The following ICE1 variants were observed in gnomAD, a reference collection of about 807,000 sequenced individuals.
The protein encoded by ICE1 is little elongation complex subunit 1.
ICE1 carries 64 observed loss-of-function variants against 192.7 expected under a neutral mutation model. That is an observed-to-expected ratio of 0.33 (90% CI 0.27 to 0.41). The LOEUF (loss-of-function observed/expected upper bound fraction) is 0.41. ICE1 is among the 10% of genes least tolerant of loss of function. The pLI, the probability that ICE1 is intolerant of heterozygous loss-of-function variation, is 1.00. For missense variants in ICE1, 2,708 were observed against 2,696.0 expected (o/e 1.00, Z -0.10); for synonymous variants, 1,010 against 984.5 (o/e 1.03, Z -0.49).
At chr5:5,479,300 T>A (rs1325218036) in intron 17 of ICE1, among the ~76,000 whole-genome samples, 1 of 152,154 alleles carries the variant, frequency 6.6e-6, no homozygotes, top group Non-Finnish European at 1.5e-5. Context: ...AACAGACACT[T>A]CTCAAAAGAA....
At chr5:5,430,276 A>G (rs1737663857) in intron 1 of ICE1, among the ~76,000 whole-genome samples, 1 of 152,166 alleles carries the variant, frequency 6.6e-6, no homozygotes, top group Non-Finnish European at 1.5e-5. Context: ...AGCCAACATA[A>G]ATGACATCTG....
intron 14 of ICE1, 139 bp from the exon 15 acceptor site, chr5:5,468,689 C>G (rs1739064922): frequency 2.0e-6 from 1 of 498,278 alleles, no homozygotes; most frequent in African/African-American, 2.0e-5. Context: ...GGAGCCTCAT[C>G]TGGGCTCCCC....
Position 5,465,123 on chromosome 5 carries a change from T to C in ICE1, c.5789T>C (p.Leu1930Ser). The C allele has an allele frequency of 6.2e-7, 1 of 1,612,374 alleles. No homozygotes were observed. Among genetic ancestry groups the C allele is most frequent in the Non-Finnish European group, 8.5e-7 (1 of 1,179,102 alleles). Residue 1930 changes from leucine to serine, a missense_variant, in exon 13 of 19, where the codon TTA (leucine) becomes TCA (serine). Leu to Ser is a moderately radical substitution (Grantham distance 145). Transcript: ENST00000296564. The part of the protein sequence containing the change: ...KKIAEFSFDL[L>S]PVIRSHVYVG... The stretch of plus-strand genomic sequence containing the variant: ...ATTGCAGAGTTTTCTTTTGATCTGT[T>C]ACCTGTCATTCGTAGTCATGTGTAT...
intron 17 of ICE1, among the ~76,000 whole-genome samples, chr5:5,484,677 G>A (rs1038167842): frequency 2.6e-5 from 4 of 152,124 alleles, no homozygotes; most frequent in African/African-American, 9.7e-5. Flanking sequence ...TCAATATTCA[G>A]GCTGCACGTA....
At position 5,465,106 on chromosome 5, in the gene ICE1, G is replaced by A. The variant is rs765052850; in HGVS notation, c.5772G>A (p.Glu1924=). 1.2e-6 allele frequency: 2 copies of A among 1,613,052 alleles called. No homozygotes were observed. The highest frequency in any genetic ancestry group is 2.7e-5 in the African/African-American group (2 of 74,912). The change falls in exon 13 of 19, where the codon GAG becomes GAA. Residue 1924 remains glutamate, a synonymous_variant. Coordinates refer to ENST00000296564, the MANE Select transcript of ICE1 (RefSeq NM_015325.3). ...CTAATGCCCTGAAGAAAATTGCAGA[G>A]TTTTCTTTTGATCTGTTACCTGTCA... The part of the protein sequence containing the change: ...AIANALKKIA[E]FSFDLLPVIR...
chr5:5,430,971 C>T (rs1737690124), intron 1 of ICE1, among the ~76,000 whole-genome samples: 1 of 152,122 alleles, frequency 6.6e-6, no homozygotes, highest in South Asian at 2.1e-4. Flanking sequence ...GATAGTATGC[C>T]AGTTATTTAA....
intron 5 of ICE1, 138 bp from the exon 6 acceptor site, chr5:5,443,030 T>C: frequency 1.8e-6 from 1 of 543,476 alleles, no homozygotes; most frequent in Non-Finnish European, 3.2e-6. Context: ...TGGTTACCTC[T>C]ATTAAAATAT....
chr5:5,437,353 CAT>C, intron 3 of ICE1: 1 of 396,180 alleles, frequency 2.5e-6, no homozygotes, highest in Non-Finnish European at 4.5e-6. Flanking sequence ...CTTAACGTCT[CAT>C]AAGCTTTTTA....
intron 12 of ICE1, 88 bp downstream of exon 12, chr5:5,457,829 T>C (rs1460887692): frequency 5.4e-6 from 7 of 1,307,308 alleles, no homozygotes; most frequent in Non-Finnish European, 7.4e-6. Flanking sequence ...ATTAGTGATA[T>C]TCTTGCACAG....
intron 1 of ICE1, among the ~76,000 whole-genome samples, chr5:5,434,826 G>A (rs1737823373): frequency 6.6e-6 from 1 of 152,066 alleles, no homozygotes; most frequent in African/African-American, 2.4e-5. Context: ...GTTTATTTTA[G>A]TCTAGCCTAG....
chr5:5,445,684 G>A (rs966506453), intron 7 of ICE1, among the ~76,000 whole-genome samples: 18 of 151,812 alleles, frequency 1.2e-4, no homozygotes, highest in African/African-American at 4.4e-4. Context: ...AAAGTGCTAG[G>A]ATTACAGGTG....
intron 5 of ICE1, among the ~76,000 whole-genome samples, chr5:5,442,151 A>G (rs1738070534): frequency 6.6e-6 from 1 of 152,236 alleles, no homozygotes; most frequent in Non-Finnish European, 1.5e-5. Context: ...TACTCCCTAC[A>G]TGAATCTTAG....
In ICE1 at chr5:5,473,833, G is replaced by GTCGT. The variant is rs1234650733; in HGVS notation, c.6413+87_6413+90dup. On this transcript the variant is annotated intron_variant, in intron 16 of 18. Transcript: ENST00000296564. ...CTGAATTGTGGCTTGAATCATTTTT[G>GTCGT]TCGTTTAAGTGTGTAAGGCAGATGA... 12 of 1,002,846 alleles carry GTCGT rather than the reference G, an allele frequency of 1.2e-5. No homozygotes were observed. In the African/African-American group the frequency reaches 1.8e-4, roughly 15 times the overall value. The allele number at this position is 1,002,846 out of a possible 1,614,324, so 62.1% of individuals were successfully genotyped here.
At chr5:5,478,123 A>T (rs1436210229) in intron 17 of ICE1, among the ~76,000 whole-genome samples, 1 of 152,246 alleles carries the variant, frequency 6.6e-6, no homozygotes, top group Non-Finnish European at 1.5e-5. Flanking sequence ...AGTTCTGGCC[A>T]GGCCAATCAG....
chr5:5,441,139 G>A lies in ICE1; in HGVS notation c.225G>A (p.Val75=). The A allele has an allele frequency of 1.3e-6, 2 of 1,558,320 alleles. No homozygotes were observed. The highest frequency in any genetic ancestry group is 8.7e-7 in the Non-Finnish European group (1 of 1,148,812). ...RRENSNLHHQ[V]EEMLQKISPL... is the part of the protein sequence containing the mutation. ...AGAATAGTAATCTGCATCACCAAGT[G>A]GAAGAGATGCTTCAAAAAATTTCTC... Residue 75 remains valine (V), a synonymous_variant, in exon 5 of 19, where the codon GTG becomes GTA. Transcript: ENST00000296564.
intron 10 of ICE1, among the ~76,000 whole-genome samples, chr5:5,453,441 C>T (rs1466135138): frequency 6.6e-6 from 1 of 152,144 alleles, no homozygotes; most frequent in African/African-American, 2.4e-5. Context: ...TAGAGCTAAT[C>T]TCTTACAAAA....
chr5:5,473,487 T>G lies in ICE1; in HGVS notation c.6223-71T>G, dbSNP rs538862601. 9.0e-6 allele frequency: 12 copies of G among 1,328,534 alleles called. No individual in the cohort carries two copies. In the Admixed American group the frequency reaches 2.4e-4, roughly 27 times the overall value. The allele number at this position is 1,328,534 out of a possible 1,614,324, so 82.3% of individuals were successfully genotyped here. A position where few individuals can be genotyped will look rare whatever the true frequency, so the allele number is the denominator to read the frequency against. The stretch of plus-strand genomic sequence containing the variant: ...AGTCATCGAATGCTTATTATAGTCT[T>G]TTAGATAACTAAGGTAAGATGCATT... On this transcript the variant is annotated intron_variant, in intron 15 of 18. Transcript: ENST00000296564.
intron 4 of ICE1, 144 bp downstream of exon 4, chr5:5,440,057 C>T (rs1031965873): frequency 4.3e-5 from 20 of 470,116 alleles, no homozygotes; most frequent in African/African-American, 3.7e-4. Flanking sequence ...CTTTGATGCT[C>T]ATAATAAAAT....
intron 15 of ICE1, among the ~76,000 whole-genome samples, chr5:5,469,946 C>T (rs1344621184): frequency 6.6e-6 from 1 of 152,240 alleles, no homozygotes; most frequent in South Asian, 2.1e-4. Flanking sequence ...TATATCTGCT[C>T]CAGAGGGCTG....
Sources: allele counts gnomAD v4.1 joint callset (sites outside exome capture counted in the v4.1 genomes callset), GRCh38; gene constraint gnomAD v4.1.1; transcripts MANE v1.5; gene names NCBI Gene and HGNC (gene_info 2026-07-23, HGNC 2026-07-21).